ATP10B: variants seen among roughly 807,000 people sequenced by gnomAD.
ATP10B encodes phospholipid-transporting ATPase VB.
A neutral mutation model predicts 141.2 loss-of-function variants in ATP10B; 122 were observed. The observed-to-expected ratio is 0.86, with a 90% CI of 0.75 to 1.00. The LOEUF is 1.00. Ranked by LOEUF, ATP10B falls within the 50% of genes least tolerant of loss-of-function variation. The pLI is 0.00. For synonymous variants in ATP10B, 685 were observed against 692.0 expected (o/e 0.99, Z 0.16); for missense variants, 1,876 against 1,825.3 (o/e 1.03, Z -0.51).
chr5:160,921,274 GTTTT>G, the ATP10B span, among the ~76,000 whole-genome samples: 57 of 121,878 alleles, frequency 4.7e-4, 1 homozygote, highest in East Asian at 0.011. Context: ...TCAGCACTTT[GTTTT>G]TTTTTTTTTT....
upstream of ATP10B, among the ~76,000 whole-genome samples, chr5:160,853,077 A>C (rs1753888449): frequency 6.6e-6 from 1 of 152,208 alleles, no homozygotes; most frequent in Non-Finnish European, 1.5e-5. Context: ...TGGACATAGG[A>C]AACATTTTAC....
At chr5:160,874,931 G>GAGAA in the ATP10B span, among the ~76,000 whole-genome samples, 1 of 142,432 alleles carries the variant, frequency 7.0e-6, no homozygotes, top group Non-Finnish European at 1.5e-5. Context: ...AAGTGATGGG[G>GAGAA]AGAATGGAAC....
rs763998030 is a variant in ATP10B, at chr5:160,686,206, T to G, written c.343A>C (p.Arg115=). 3.7e-6 allele frequency: 6 copies of G among 1,612,872 alleles called. No individual in the cohort carries two copies. The East Asian group carries it at 1.3e-4, about 36-fold the overall frequency. Reference sequence around the variant, plus strand: ...GCCAATGGTAACATGGTGATTTCTCTGTGGAAGACTTCCATGGAGGGCATC... The same window carrying G: ...GCCAATGGTAACATGGTGATTTCTCGGTGGAAGACTTCCATGGAGGGCATC... The part of the protein sequence containing the change: ...NWMPSMEVFH[R]EITMLPLAIV... The change falls in exon 6 of 26, where the codon AGA becomes CGA. Residue 115 remains arginine, a synonymous_variant. Transcript: ENST00000327245.
chr5:160,890,407 CAAAG>C, the ATP10B span, among the ~76,000 whole-genome samples: 8 of 152,084 alleles, frequency 5.3e-5, no homozygotes, highest in African/African-American at 7.2e-5. Context: ...ATTTTTATCC[CAAAG>C]AAAGAAACCC....
intron 2 of ATP10B, among the ~76,000 whole-genome samples, chr5:160,727,619 A>C (rs2127789174): frequency 6.6e-6 from 1 of 152,180 alleles, no homozygotes; most frequent in South Asian, 2.1e-4. Context: ...TAGGGTGGGA[A>C]CTTTGGGTCC....
rs73306687 is a variant in ATP10B, at chr5:160,670,656, G to T, written c.482C>A (p.Thr161Asn). 4,456 of 1,613,336 alleles carry T rather than the reference G, an allele frequency of 2.8e-3. 82 individuals carry two copies. The African/African-American group carries it at 0.046, about 17-fold the overall frequency. The change falls in exon 7 of 26, where the codon ACC becomes AAC. Residue 161 changes from threonine to asparagine, a missense_variant. Coordinates refer to ENST00000327245, the MANE Select transcript of ATP10B (RefSeq NM_025153.3). ...ATCCTTCCAGCACTTCTGCACATAG[G>T]TCTGCTCTTTTCTTGGGTGAGAGAA... ...NIRIYERKEQ[T>N]YVQKCWKDVR...
the ATP10B span, among the ~76,000 whole-genome samples, chr5:160,923,306 T>C: frequency 6.6e-6 from 1 of 152,222 alleles, no homozygotes; most frequent in African/African-American, 2.4e-5. Context: ...GTACATGACA[T>C]TGGCCTGGAG....
Position 160,689,892 on chromosome 5 carries a change from T to C in ATP10B, c.-204-949A>G, listed in dbSNP as rs150118068. Among the ~76,000 whole-genome samples the C allele has an allele frequency of 7.9e-4, 120 of 152,182 alleles. 4 individuals carry two copies. Among genetic ancestry groups the C allele is most frequent in the African/African-American group, 2.5e-3 (104 of 41,416 alleles). On this transcript the variant is annotated intron_variant, in intron 3 of 25. Transcript: ENST00000327245. ...ATATGTAACCAAAAAAGAGCCCATA[T>C]AGCCAAGGCAATCCTAAGCAAAAAA...
Position 160,644,231 on chromosome 5 carries a change from G to T in ATP10B, c.775C>A (p.Gln259Lys), listed in dbSNP as rs756964404. 2 of 1,613,748 alleles carry T rather than the reference G, an allele frequency of 1.2e-6. No individual in the cohort carries two copies. Among genetic ancestry groups the T allele is most frequent in the Admixed American group, 3.3e-5 (2 of 59,980 alleles). The change falls in exon 9 of 26, where the codon CAG (glutamine) becomes AAG (lysine). Residue 259 changes from glutamine to lysine, a missense_variant. Transcript: ENST00000327245. ...KFKGYMEHPD[Q>K]TRTGFGCESL... ...TCACAGCCAAAGCCAGTCCTGGTCT[G>T]GTCAGGATGCTCCCTGGGGATGATG...
intron 13 of ATP10B, among the ~76,000 whole-genome samples, chr5:160,629,219 G>C (rs1234260569): frequency 6.6e-6 from 1 of 152,106 alleles, no homozygotes; most frequent in Non-Finnish European, 1.5e-5. Context: ...TGTCAGGAGT[G>C]GGTGGGGGTG....
chr5:160,751,966 A>G (rs1419758323), intron 2 of ATP10B, among the ~76,000 whole-genome samples: 1 of 152,214 alleles, frequency 6.6e-6, no homozygotes, highest in Non-Finnish European at 1.5e-5. Context: ...TCTAAGGCCC[A>G]GGATGAGCGT....
At position 160,612,701 on chromosome 5, in the gene ATP10B, C is replaced by T. The variant is rs375163273; in HGVS notation, c.2838+40G>A. On this transcript the variant is annotated intron_variant, in intron 18 of 25. Transcript: ENST00000327245. Reference sequence around the variant, plus strand: ...CTCTTGGTTGAGGGGTTGCTCTACACGTTGATATCTGCAGATATCAATACA... The same window carrying T: ...CTCTTGGTTGAGGGGTTGCTCTACATGTTGATATCTGCAGATATCAATACA... 311 of 1,543,592 alleles carry T rather than the reference C, an allele frequency of 2.0e-4. No homozygotes were observed. In the African/African-American group the frequency reaches 3.1e-3, roughly 16 times the overall value.
intron 2 of ATP10B, among the ~76,000 whole-genome samples, chr5:160,717,938 G>A (rs1358277899): frequency 6.6e-6 from 1 of 152,130 alleles, no homozygotes; most frequent in Non-Finnish European, 1.5e-5. Flanking sequence ...TGCTGAATCT[G>A]GAATGAAAAC....
chr5:160,621,918 A>C (rs1331285738), intron 14 of ATP10B, among the ~76,000 whole-genome samples: 12 of 152,254 alleles, frequency 7.9e-5, no homozygotes, highest in Admixed American at 7.8e-4. Context: ...CAATATTACT[A>C]GAAACCATTA....
At chr5:160,651,796 T>A (rs1760760708) in intron 7 of ATP10B, among the ~76,000 whole-genome samples, 1 of 152,142 alleles carries the variant, frequency 6.6e-6, no homozygotes, top group Non-Finnish European at 1.5e-5. Flanking sequence ...CAGGAGTTTC[T>A]AAAAATATGG....
At chr5:160,866,477 C>G in the ATP10B span, among the ~76,000 whole-genome samples, 3 of 151,968 alleles carry the variant, frequency 2.0e-5, no homozygotes, top group Admixed American at 6.6e-5. Context: ...AGTTCAAGAC[C>G]AGCCTGGCCA....
intron 3 of ATP10B, among the ~76,000 whole-genome samples, chr5:160,715,829 G>C (rs1179810354): frequency 6.6e-6 from 1 of 151,854 alleles, no homozygotes. Flanking sequence ...CTCTGACTCA[G>C]CCTCCTGAGT....
At chr5:160,716,594 G>A (rs1017539363) in intron 3 of ATP10B, among the ~76,000 whole-genome samples, 3 of 152,104 alleles carry the variant, frequency 2.0e-5, no homozygotes, top group African/African-American at 7.2e-5. Context: ...CTGGGAAGAC[G>A]ATACATATGA....
the ATP10B span, among the ~76,000 whole-genome samples, chr5:160,909,898 G>T: frequency 6.6e-6 from 1 of 152,192 alleles, no homozygotes; most frequent in Non-Finnish European, 1.5e-5. Flanking sequence ...GCTCAGTAAA[G>T]CAGAACAACG....
Sources: allele counts gnomAD v4.1 joint callset (sites outside exome capture counted in the v4.1 genomes callset), GRCh38; gene constraint gnomAD v4.1.1; transcripts MANE v1.5; gene names NCBI Gene and HGNC (gene_info 2026-07-23, HGNC 2026-07-21).